Variants in PKD2L1 observed in about 807,000 individuals in gnomAD.
The protein encoded by PKD2L1 is polycystin 2 like 1, transient receptor potential cation channel, also known as polycystin-2-like protein 1.
PKD2L1 carries 77 observed loss-of-function variants against 93.0 expected under a neutral mutation model. That is an observed-to-expected ratio of 0.83 (90% CI 0.69 to 1.00). The LOEUF is 1.00. Among genes scored for constraint, PKD2L1 ranks in the 50% least tolerant of loss-of-function variants. The pLI, the probability that PKD2L1 is intolerant of heterozygous loss-of-function variation, is 0.00. For synonymous variants in PKD2L1, 390 were observed against 388.0 expected, an observed-to-expected ratio of 1.01 and a Z score of -0.06; for missense variants, 977 against 990.9, an observed-to-expected ratio of 0.99 and a Z score of 0.19.
At chr10:100,325,070 T>C (rs1849348011) in intron 2 of PKD2L1, among the ~76,000 whole-genome samples, 1 of 152,194 alleles carries the variant, frequency 6.6e-6, no homozygotes, top group Non-Finnish European at 1.5e-5. Context: ...CAGTGTTTCT[T>C]AACCTTTTTT....
chr10:100,313,775 A>G (rs1848986509), intron 2 of PKD2L1, among the ~76,000 whole-genome samples: 1 of 152,182 alleles, frequency 6.6e-6, no homozygotes, highest in South Asian at 2.1e-4. Context: ...TCAATAACCA[A>G]TCAATAATTC....
In PKD2L1 at chr10:100,290,006, G is replaced by T; in HGVS notation, c.2250+9C>A. 1 of 1,614,140 alleles carries T rather than the reference G, an allele frequency of 6.2e-7. No homozygotes were observed. Among genetic ancestry groups the T allele is most frequent in the Non-Finnish European group, 8.5e-7 (1 of 1,179,998 alleles). ...AGGAACTAGGAGGACCAGGTGAAGG[G>T]CCACTCACCACGCCTGGGGAGGGAG... On this transcript the variant is annotated intron_variant, in intron 14 of 15. Transcript: ENST00000318222.
At position 100,329,531 on chromosome 10, in the gene PKD2L1, T is replaced by C. The variant is rs1239764183; in HGVS notation, c.236-207A>G. On this transcript the variant is annotated intron_variant, in intron 1 of 15. Coordinates refer to ENST00000318222, the MANE Select transcript of PKD2L1 (RefSeq NM_016112.3). ...CTGAGGTCGACAGGGGTGAAGGCCCTGGCTTGTAGAGAATGAAGGCATGGA... is the reference window on the plus strand; with the variant it reads ...CTGAGGTCGACAGGGGTGAAGGCCCCGGCTTGTAGAGAATGAAGGCATGGA... Among the ~76,000 whole-genome samples, 3 of 152,202 alleles carry C rather than the reference T, an allele frequency of 2.0e-5. No homozygotes were observed. In the East Asian group the frequency reaches 5.8e-4, roughly 29 times the overall value.
At chr10:100,313,759 A>G (rs932996481) in intron 2 of PKD2L1, among the ~76,000 whole-genome samples, 12 of 152,320 alleles carry the variant, frequency 7.9e-5, no homozygotes, top group African/African-American at 2.9e-4. Context: ...GATTACTGGC[A>G]TTGGTTCAAT....
intron 3 of PKD2L1, 66 bp from the exon 4 acceptor site, chr10:100,298,881 T>G (rs1848614526): frequency 2.0e-6 from 3 of 1,503,278 alleles, no homozygotes; most frequent in Non-Finnish European, 2.7e-6. Flanking sequence ...AGAATGACCT[T>G]TGCCCTCATC....
chr10:100,294,316 T>C (rs1438759567), intron 9 of PKD2L1, among the ~76,000 whole-genome samples: 1 of 152,128 alleles, frequency 6.6e-6, no homozygotes, highest in Non-Finnish European at 1.5e-5. Flanking sequence ...TTGATTTTAC[T>C]GAGGGAGTCT....
At chr10:100,299,984 TATTATAA>T (rs1299480154) in intron 2 of PKD2L1, among the ~76,000 whole-genome samples, 3 of 152,344 alleles carry the variant, frequency 2.0e-5, no homozygotes, top group East Asian at 3.9e-4. Context: ...CTTACATTGT[TATTATAA>T]AAATACACTT....
In PKD2L1 at chr10:100,296,287, G is replaced by T. The variant is rs1156852544; in HGVS notation, c.1191C>A (p.Ser397=). Residue 397 remains serine (S), a synonymous_variant, in exon 7 of 16, where the codon TCC becomes TCA. Transcript: ENST00000318222. The part of the protein sequence containing the change: ...NILDLVVILL[S]IVAVGFHIFR... Reference sequence around the variant, plus strand: ...ATATGTGGAAGCCCACAGCCACAATGGAGAGCTGTCACACAGGGGTCATGG... The same window carrying T: ...ATATGTGGAAGCCCACAGCCACAATTGAGAGCTGTCACACAGGGGTCATGG... 1 of 1,591,396 alleles carries T rather than the reference G, an allele frequency of 6.3e-7. No individual in the cohort carries two copies. The highest frequency in any genetic ancestry group is 2.3e-5 in the East Asian group (1 of 43,540).
At chr10:100,293,447 C>T in intron 9 of PKD2L1, 68 bp from the exon 10 acceptor site, 2 of 980,288 alleles carry the variant, frequency 2.0e-6, no homozygotes, top group Non-Finnish European at 3.3e-6. Flanking sequence ...CCCACTGACC[C>T]CATTAATGTC....
rs1848437893 is a variant in PKD2L1 at position 100,292,984 on chromosome 10, T to C, written c.1844A>G (p.Glu615Gly). Residue 615 changes from glutamate to glycine, a missense_variant, in exon 11 of 16, where the codon GAG becomes GGG. Glu to Gly is a moderately conservative substitution (Grantham distance 98). Coordinates refer to ENST00000318222, the MANE Select transcript of PKD2L1 (RefSeq NM_016112.3). ...VQKVLQGGEQ[E>G]IQFEDFTNTL... Reference sequence around the variant, plus strand: ...GTTGGTGAAATCCTCAAACTGGATCTCCTGCTCCCCACCCTGCAGGACCTT... The same window carrying C: ...GTTGGTGAAATCCTCAAACTGGATCCCCTGCTCCCCACCCTGCAGGACCTT... 1.9e-6 allele frequency: 3 copies of C among 1,614,042 alleles called. No homozygotes were observed. Among genetic ancestry groups the C allele is most frequent in the Non-Finnish European group, 2.5e-6 (3 of 1,180,002 alleles).
intron 13 of PKD2L1, 116 bp downstream of exon 13, chr10:100,290,285 C>T (rs945906578): frequency 1.9e-5 from 24 of 1,261,624 alleles, no homozygotes; most frequent in African/African-American, 1.5e-4. Context: ...TAAAGGGGAG[C>T]GGAGGTTCTC....
rs117568519 is a variant in PKD2L1 at position 100,295,074 on chromosome 10, G to A, written c.1406C>T (p.Thr469Met). ...FNKTMTQLSS[T>M]LARCAKDILG... ...GATGTCCTTGGCACAGCGGGCCAGC[G>A]TGGAGGAGAGCTGGGTCATGGTTTT... Residue 469 changes from threonine to methionine, a missense_variant, in exon 8 of 16, where the codon ACG (threonine) becomes ATG (methionine). Coordinates refer to ENST00000318222, the MANE Select transcript of PKD2L1 (RefSeq NM_016112.3). 335 of 1,614,166 alleles carry A rather than the reference G, an allele frequency of 2.1e-4. 2 individuals carry two copies. Among genetic ancestry groups the A allele is most frequent in the Admixed American group, 4.8e-4 (29 of 60,032 alleles).
chr10:100,329,745 C>T, intron 1 of PKD2L1, 124 bp downstream of exon 1: 1 of 694,476 alleles, frequency 1.4e-6, no homozygotes. Flanking sequence ...TTCATACACC[C>T]CAAAGTGACA....
intron 2 of PKD2L1, among the ~76,000 whole-genome samples, chr10:100,305,955 G>A (rs1276957941): frequency 6.6e-6 from 1 of 152,006 alleles, no homozygotes; most frequent in Non-Finnish European, 1.5e-5. Flanking sequence ...GGCTGATGCA[G>A]GTGGATCACT....
At chr10:100,318,123 T>A (rs1488308313) in intron 2 of PKD2L1, among the ~76,000 whole-genome samples, 1 of 152,004 alleles carries the variant, frequency 6.6e-6, no homozygotes, top group Non-Finnish European at 1.5e-5. Context: ...CCCTCATTCC[T>A]TATTTTTGTG....
At chr10:100,308,755 CTA>C (rs754427997) in intron 2 of PKD2L1, among the ~76,000 whole-genome samples, 2 of 152,222 alleles carry the variant, frequency 1.3e-5, no homozygotes, top group Non-Finnish European at 2.9e-5. Flanking sequence ...CTACACTACA[CTA>C]ATATACCATG....
intron 2 of PKD2L1, among the ~76,000 whole-genome samples, chr10:100,320,861 G>A (rs1849211501): frequency 6.6e-6 from 1 of 152,218 alleles, no homozygotes; most frequent in South Asian, 2.1e-4. Context: ...ACAACACATA[G>A]CAAATACTAA....
intron 11 of PKD2L1, among the ~76,000 whole-genome samples, chr10:100,292,514 T>TG (rs1181049082): frequency 4.0e-5 from 6 of 151,762 alleles, no homozygotes; most frequent in Non-Finnish European, 5.9e-5. Flanking sequence ...AAAAATTATG[T>TG]TGTCTATTAC....
intron 6 of PKD2L1, 37 bp downstream of exon 6, chr10:100,296,943 C>T (rs761681568): frequency 7.0e-7 from 1 of 1,426,144 alleles, no homozygotes; most frequent in South Asian, 1.2e-5. Flanking sequence ...CCCTCCTCAC[C>T]CCAGAATGTC....
Sources: gnomAD v4.1 joint callset for allele counts (sites outside exome capture counted in the v4.1 genomes callset) on GRCh38, gnomAD v4.1.1 for gene constraint, MANE v1.5 for transcripts, NCBI Gene and HGNC (gene_info 2026-07-23, HGNC 2026-07-21) for gene names.